The following LRRC49 variants were observed in gnomAD, a reference collection of about 807,000 sequenced individuals.
LRRC49 encodes the protein leucine-rich repeat-containing protein 49.
Under a neutral mutation model 83.3 loss-of-function variants are expected in LRRC49, and 50 were observed. The ratio of observed to expected loss-of-function variants is 0.60; its 90% CI spans 0.48 to 0.76. LRRC49 has a LOEUF of 0.76. LRRC49 is among the 30% of genes least tolerant of loss of function. The pLI, the probability that LRRC49 is intolerant of heterozygous loss-of-function variation, is 0.00. For missense variants in LRRC49, 704 were observed against 809.1 expected, an observed-to-expected ratio of 0.87 and a Z score of 1.58; for synonymous variants, 286 against 283.3, an observed-to-expected ratio of 1.01 and a Z score of -0.10.
At position 70,919,149 on chromosome 15, in the gene LRRC49, T is replaced by G. The variant is rs1213466403; in HGVS notation, c.667T>G (p.Ser223Ala). Residue 223 changes from serine to alanine, a missense_variant, in exon 7 of 16, where the codon TCA becomes GCA. Coordinates refer to ENST00000260382, the MANE Select transcript of LRRC49 (RefSeq NM_017691.5). ...TGTTGATAATCTTAATGGGCTGGAT[T>G]CACTAACTGAACTTAACTTGCGACA... ...SHVDNLNGLD[S>A]LTELNLRHNQ... 2 of 1,613,220 alleles carry G rather than the reference T, an allele frequency of 1.2e-6. No homozygotes were observed. Among genetic ancestry groups the G allele is most frequent in the Admixed American group, 1.7e-5 (1 of 59,914 alleles).
At chr15:71,020,958 T>A (rs145843620) in intron 14 of LRRC49, among the ~76,000 whole-genome samples, 2 of 152,292 alleles carry the variant, frequency 1.3e-5, no homozygotes, top group East Asian at 3.9e-4. Flanking sequence ...GAGTATCCAA[T>A]CTTTTGGTTT....
intron 9 of LRRC49, among the ~76,000 whole-genome samples, chr15:70,964,547 T>C (rs931649023): frequency 6.6e-6 from 1 of 152,196 alleles, no homozygotes; most frequent in Non-Finnish European, 1.5e-5. Context: ...CGTATCTCCA[T>C]GTTAAGATAT....
intron 14 of LRRC49, among the ~76,000 whole-genome samples, chr15:71,025,416 C>G (rs1343942330): frequency 2.6e-5 from 4 of 152,028 alleles, no homozygotes. Flanking sequence ...CAAAAACACA[C>G]TGAAGTACAA....
intron 11 of LRRC49, among the ~76,000 whole-genome samples, chr15:70,999,916 C>G (rs766630029): frequency 5.3e-5 from 8 of 152,178 alleles, no homozygotes; most frequent in Non-Finnish European, 1.2e-4. Context: ...GCAAGTGATA[C>G]AAAGGCAAGC....
At chr15:70,861,290 A>G (rs1361147823) in intron 1 of LRRC49, among the ~76,000 whole-genome samples, 1 of 152,044 alleles carries the variant, frequency 6.6e-6, no homozygotes, top group Non-Finnish European at 1.5e-5. Flanking sequence ...GTAACAACTT[A>G]AACATTTATT....
intron 14 of LRRC49, among the ~76,000 whole-genome samples, chr15:71,014,475 T>G (rs762836900): frequency 2.0e-5 from 3 of 152,126 alleles, no homozygotes; most frequent in Non-Finnish European, 4.4e-5. Flanking sequence ...AAAAAGCATT[T>G]GGGTTATCAC....
intron 2 of LRRC49, among the ~76,000 whole-genome samples, chr15:70,876,890 C>A (rs891135571): frequency 6.6e-6 from 1 of 152,206 alleles, no homozygotes; most frequent in Non-Finnish European, 1.5e-5. Context: ...CTGAAAAGTT[C>A]ATTCAGTGCC....
chr15:70,988,042 A>T (rs1349574502), intron 11 of LRRC49, among the ~76,000 whole-genome samples: 1 of 150,388 alleles, frequency 6.6e-6, no homozygotes, highest in Non-Finnish European at 1.5e-5. Flanking sequence ...TGCTGAGGAG[A>T]GCTTTACTTC....
intron 5 of LRRC49, among the ~76,000 whole-genome samples, chr15:70,908,265 G>A (rs2034401739): frequency 6.6e-6 from 1 of 152,224 alleles, no homozygotes; most frequent in Admixed American, 6.5e-5. Flanking sequence ...CACTGAGACA[G>A]CAGGTGTTGC....
chr15:70,895,367 T>G (rs1260473077), intron 2 of LRRC49, among the ~76,000 whole-genome samples: 1 of 152,168 alleles, frequency 6.6e-6, no homozygotes, highest in Non-Finnish European at 1.5e-5. Flanking sequence ...AGTGATTTTT[T>G]CAACAGCATT....
At chr15:70,907,920 A>G (rs1446627265) in intron 5 of LRRC49, 1 of 455,902 alleles carries the variant, frequency 2.2e-6, no homozygotes, top group South Asian at 1.5e-5. Flanking sequence ...TCACATCAAT[A>G]CCTAATCTGA....
chr15:70,997,637 G>A (rs2038119802), intron 11 of LRRC49, among the ~76,000 whole-genome samples: 1 of 152,204 alleles, frequency 6.6e-6, no homozygotes, highest in African/African-American at 2.4e-5. Context: ...TGTAATGCCA[G>A]CTACTCAGGA....
At chr15:71,010,450 G>T (rs532911525) in intron 13 of LRRC49, among the ~76,000 whole-genome samples, 3 of 151,554 alleles carry the variant, frequency 2.0e-5, no homozygotes, top group Non-Finnish European at 4.4e-5. Context: ...AAAAGGGGAG[G>T]AAGAAGATGA....
At position 70,892,879 on chromosome 15, in the gene LRRC49, T is replaced by G; in HGVS notation, c.-16T>G. ...TGGAAGGCAGATCTAACAGAGAACC[T>G]GGACTGTCTCCTATCATGATTCCCG... On this transcript the variant is annotated 5_prime_UTR_variant, in exon 1 of 16. Transcript: ENST00000260382. The G allele has an allele frequency of 6.2e-7, 1 of 1,614,212 alleles. No individual in the cohort carries two copies. Among genetic ancestry groups the G allele is most frequent in the Non-Finnish European group, 8.5e-7 (1 of 1,180,036 alleles).
intron 14 of LRRC49, among the ~76,000 whole-genome samples, chr15:71,023,486 C>A (rs2039056981): frequency 6.6e-6 from 1 of 152,092 alleles, no homozygotes; most frequent in African/African-American, 2.4e-5. Flanking sequence ...GTGAGTGAAT[C>A]CTGCACCAGC....
intron 9 of LRRC49, among the ~76,000 whole-genome samples, chr15:70,976,089 T>C (rs117932059): frequency 2.6e-5 from 4 of 152,336 alleles, no homozygotes; most frequent in Non-Finnish European, 4.4e-5. Flanking sequence ...GGTGCAGTGT[T>C]CTTTGCGTGA....
chr15:70,891,906 C>T, upstream of LRRC49: 1 of 1,613,476 alleles, frequency 6.2e-7, no homozygotes, highest in Non-Finnish European at 8.5e-7. Context: ...CCTGGGGCAG[C>T]CTCAGAATGC....
intron 1 of LRRC49, among the ~76,000 whole-genome samples, chr15:70,869,746 C>T (rs1262879253): frequency 6.6e-6 from 1 of 152,056 alleles, no homozygotes; most frequent in Admixed American, 6.6e-5. Flanking sequence ...ACTGTAATAC[C>T]CTTGTCCCTG....
chr15:70,936,037 TTTG>T lies in LRRC49; in HGVS notation c.712-718_712-716del, dbSNP rs1164336123. Reference sequence around the variant, plus strand: ...GAATTAGGTAGCTTTTACTTTATTTTTTGTTGTTTTTTTTTAAATAATTTGGTC... The same window carrying T: ...GAATTAGGTAGCTTTTACTTTATTTTTTGTTTTTTTTTAAATAATTTGGTC... On this transcript the variant is annotated intron_variant, in intron 7 of 15. Transcript: ENST00000260382. 6.6e-5 allele frequency among the ~76,000 whole-genome samples: 10 copies of T among 152,318 alleles called. No individual in the cohort carries two copies. The East Asian group carries it at 1.5e-3, about 24-fold the overall frequency.
Sources: allele counts gnomAD v4.1 joint callset (sites outside exome capture counted in the v4.1 genomes callset), GRCh38; gene constraint gnomAD v4.1.1; transcripts MANE v1.5; gene names NCBI Gene and HGNC (gene_info 2026-07-23, HGNC 2026-07-21).